PRELID2: variants seen among roughly 807,000 people sequenced by gnomAD.
PRELID2 encodes PRELI domain-containing protein 2.
A neutral mutation model predicts 28.4 loss-of-function variants in PRELID2; 25 were observed. That is an observed-to-expected ratio of 0.88 (90% CI 0.64 to 1.23). The LOEUF (loss-of-function observed/expected upper bound fraction) is 1.23. Ranked by LOEUF, PRELID2 falls within the 50% of genes most tolerant of loss-of-function variation. The pLI is 0.00. For synonymous variants in PRELID2, 76 were observed against 71.6 expected (o/e 1.06, Z -0.31); for missense variants, 201 against 214.4 (o/e 0.94, Z 0.39).
At chr5:145,728,335 T>C (rs1756235283) in intron 1 of PRELID2, 2 of 352,708 alleles carry the variant, frequency 5.7e-6, no homozygotes, top group African/African-American at 4.2e-5. Flanking sequence ...TCTATTTATC[T>C]CTATCTCTAC....
intron 1 of PRELID2, among the ~76,000 whole-genome samples, chr5:145,596,526 T>C (rs1298537128): frequency 6.6e-6 from 1 of 152,020 alleles, no homozygotes; most frequent in African/African-American, 2.4e-5. Context: ...ACCAGGTTCT[T>C]GTTGTTGTTC....
chr5:145,513,348 G>C (rs867232869), intron 1 of PRELID2, among the ~76,000 whole-genome samples: 1 of 151,698 alleles, frequency 6.6e-6, no homozygotes, highest in African/African-American at 2.4e-5. Flanking sequence ...GCATACACAA[G>C]TATCAATAGC....
At chr5:145,648,908 A>G (rs569269356) in intron 1 of PRELID2, among the ~76,000 whole-genome samples, 1 of 151,936 alleles carries the variant, frequency 6.6e-6, no homozygotes, top group South Asian at 2.1e-4. Flanking sequence ...ACAATGGTTC[A>G]ATTTCTGATT....
chr5:145,508,327 A>G (rs1358865713), intron 1 of PRELID2, among the ~76,000 whole-genome samples: 1 of 151,952 alleles, frequency 6.6e-6, no homozygotes, highest in Non-Finnish European at 1.5e-5. Flanking sequence ...CTATTAATCA[A>G]TCTTTTTTCT....
intron 1 of PRELID2, among the ~76,000 whole-genome samples, chr5:145,548,587 T>G (rs1353331190): frequency 6.6e-6 from 1 of 152,224 alleles, no homozygotes; most frequent in South Asian, 2.1e-4. Context: ...GCCAGAGATC[T>G]GGGCATCATT....
chr5:145,372,698 G>C, the PRELID2 span, among the ~76,000 whole-genome samples: 3 of 150,966 alleles, frequency 2.0e-5, no homozygotes, highest in Non-Finnish European at 4.4e-5. Context: ...TCATTTGCTT[G>C]GTAAATTCTC....
At chr5:145,649,115 T>A (rs950886465) in intron 1 of PRELID2, among the ~76,000 whole-genome samples, 4 of 151,944 alleles carry the variant, frequency 2.6e-5, no homozygotes, top group African/African-American at 9.7e-5. Context: ...AAGGCAAAAA[T>A]AAAAAATAAT....
chr5:145,402,807 A>G, the PRELID2 span, among the ~76,000 whole-genome samples: 2 of 152,324 alleles, frequency 1.3e-5, no homozygotes, highest in East Asian at 3.9e-4. Context: ...AGCAGGCACA[A>G]CAGACTGAAT....
intron 1 of PRELID2, among the ~76,000 whole-genome samples, chr5:145,596,108 A>C (rs2149634438): frequency 6.6e-6 from 1 of 151,396 alleles, no homozygotes. Flanking sequence ...TCAAAAAAAA[A>C]AAAAAAAAAA....
At chr5:145,297,027 T>G in the PRELID2 span, among the ~76,000 whole-genome samples, 1 of 152,110 alleles carries the variant, frequency 6.6e-6, no homozygotes, top group Admixed American at 6.6e-5. Context: ...TCGCCCACTT[T>G]TTGATGGGGT....
chr5:145,516,721 G>A (rs529684844), intron 1 of PRELID2, among the ~76,000 whole-genome samples: 1 of 151,964 alleles, frequency 6.6e-6, no homozygotes, highest in African/African-American at 2.4e-5. Context: ...GGCACCACAC[G>A]ACCTGATGTT....
chr5:145,424,508 G>C, the PRELID2 span, among the ~76,000 whole-genome samples: 1 of 152,162 alleles, frequency 6.6e-6, no homozygotes, highest in Admixed American at 6.5e-5. Flanking sequence ...TCCAGGTGCC[G>C]TCAGTCACCG....
chr5:145,336,193 G>A, the PRELID2 span, among the ~76,000 whole-genome samples: 2 of 152,080 alleles, frequency 1.3e-5, no homozygotes, highest in Non-Finnish European at 2.9e-5. Context: ...AGATGAGTAG[G>A]TTGCAAAAAT....
At chr5:145,310,694 T>C in the PRELID2 span, among the ~76,000 whole-genome samples, 1 of 152,176 alleles carries the variant, frequency 6.6e-6, no homozygotes, top group Admixed American at 6.5e-5. Context: ...CATATCCTCT[T>C]ATTCATCTCC....
chr5:145,350,444 G>T, the PRELID2 span, among the ~76,000 whole-genome samples: 1 of 152,060 alleles, frequency 6.6e-6, no homozygotes, highest in African/African-American at 2.4e-5. Flanking sequence ...AGGAGGCAGG[G>T]GCAATGTGAT....
intron 1 of PRELID2, among the ~76,000 whole-genome samples, chr5:145,485,527 G>T (rs182773175): frequency 6.6e-6 from 1 of 152,148 alleles, no homozygotes; most frequent in African/African-American, 2.4e-5. Context: ...AGTTACTCTT[G>T]GCTGTCAACC....
At chr5:145,714,677 A>G (rs999745058) in intron 1 of PRELID2, among the ~76,000 whole-genome samples, 1 of 152,142 alleles carries the variant, frequency 6.6e-6, no homozygotes, top group Non-Finnish European at 1.5e-5. Flanking sequence ...TCTGATTCTA[A>G]TATCTGTGTC....
chr5:145,580,041 ATTC>A (rs1252966144), intron 1 of PRELID2, among the ~76,000 whole-genome samples: 1 of 152,134 alleles, frequency 6.6e-6, no homozygotes, highest in Non-Finnish European at 1.5e-5. Flanking sequence ...CCTCTATAGA[ATTC>A]AATCTATTGA....
the PRELID2 span, among the ~76,000 whole-genome samples, chr5:145,380,813 C>T: frequency 0.011 from 1,615 of 152,096 alleles, 27 homozygotes; most frequent in East Asian, 0.041. Flanking sequence ...TACTTTGCCC[C>T]CACAAATGCC....
Sources: gnomAD v4.1 joint callset for allele counts (sites outside exome capture counted in the v4.1 genomes callset) on GRCh38, gnomAD v4.1.1 for gene constraint, MANE v1.5 for transcripts, NCBI Gene and HGNC (gene_info 2026-07-23, HGNC 2026-07-21) for gene names.